Variants in SLC26A9 observed in about 807,000 individuals in gnomAD.
The protein encoded by SLC26A9 is anion transporter/exchanger protein 9.
Under a neutral mutation model 87.1 loss-of-function variants are expected in SLC26A9, and 46 were observed. That is an observed-to-expected ratio of 0.53 (90% CI 0.42 to 0.67). The LOEUF (loss-of-function observed/expected upper bound fraction) is 0.67, where lower values mean the gene tolerates loss of function less well. Ranked by LOEUF, SLC26A9 falls within the 30% of genes least tolerant of loss-of-function variation. The pLI, the probability that SLC26A9 is intolerant of heterozygous loss-of-function variation, is 0.00. For synonymous variants in SLC26A9, 437 were observed against 409.1 expected (o/e 1.07, Z -0.82); for missense variants, 927 against 1,018.3 (o/e 0.91, Z 1.22).
rs1658519457 is a variant in SLC26A9 at position 205,915,038 on chromosome 1, C to T, written c.*319G>A. On this transcript the variant is annotated 3_prime_UTR_variant, in exon 21 of 21. Coordinates refer to ENST00000367135, the MANE Select transcript of SLC26A9 (RefSeq NM_052934.4). ...AAAAGCTGGAAGTCAAGGTGTCCTT[C>T]AGCTGCCAAGGACAGGGCAGAGGTG... The T allele has an allele frequency of 6.2e-7, 1 of 1,614,086 alleles. No individual in the cohort carries two copies. Among genetic ancestry groups the T allele is most frequent in the Non-Finnish European group, 8.5e-7 (1 of 1,180,046 alleles).
intron 12 of SLC26A9, among the ~76,000 whole-genome samples, chr1:205,924,978 A>G (rs971526719): frequency 2.0e-5 from 3 of 152,060 alleles, no homozygotes; most frequent in East Asian, 1.9e-4. Context: ...TTATTTTTCT[A>G]GAGACGGCTC....
intron 19 of SLC26A9, 58 bp from the exon 20 acceptor site, chr1:205,917,412 G>A (rs1432369573): frequency 6.3e-7 from 1 of 1,576,244 alleles, no homozygotes; most frequent in African/African-American, 1.3e-5. Context: ...CAAAGTTGGT[G>A]CATGGTGGCA....
chr1:205,938,323 A>C (rs1659602837), intron 1 of SLC26A9, among the ~76,000 whole-genome samples: 2 of 149,144 alleles, frequency 1.3e-5, no homozygotes, highest in African/African-American at 2.5e-5. Context: ...CCATACCTCC[A>C]CCCACCCTGT....
chr1:205,925,542 T>C (rs1194463953), intron 12 of SLC26A9, among the ~76,000 whole-genome samples: 1 of 152,166 alleles, frequency 6.6e-6, no homozygotes, highest in Non-Finnish European at 1.5e-5. Context: ...AACTGAGGTA[T>C]AATTTTTCTC....
chr1:205,919,243 C>G (rs542724099), intron 18 of SLC26A9, among the ~76,000 whole-genome samples: 1 of 152,138 alleles, frequency 6.6e-6, no homozygotes, highest in Non-Finnish European at 1.5e-5. Context: ...TGTGGTGATT[C>G]GAGTGGAAAA....
In SLC26A9 at chr1:205,921,853, A is replaced by C; in HGVS notation, c.1774-6T>G. The C allele has an allele frequency of 6.2e-7, 1 of 1,602,664 alleles. No individual in the cohort carries two copies. The highest frequency in any genetic ancestry group is 1.1e-5 in the South Asian group (1 of 89,190). On this transcript the variant is annotated splice_region_variant and splice_polypyrimidine_tract_variant and intron_variant, in intron 16 of 20. Coordinates refer to ENST00000367135, the MANE Select transcript of SLC26A9 (RefSeq NM_052934.4). ...AGCTCCTGCAGGGAGACAGTCTGGAAGGGTGGGGACAGTGGGCAGAGTCAG... is the reference window on the plus strand; with the variant it reads ...AGCTCCTGCAGGGAGACAGTCTGGACGGGTGGGGACAGTGGGCAGAGTCAG...
rs1435645702 is a variant in SLC26A9, at chr1:205,931,998, G to C, written c.414C>G (p.Ile138Met). 6.2e-7 allele frequency: 1 copy of C among 1,614,218 alleles called. No homozygotes were observed. Among genetic ancestry groups the C allele is most frequent in the South Asian group, 1.1e-5 (1 of 91,080 alleles). Residue 138 changes from isoleucine to methionine, a missense_variant, in exon 5 of 21, where the codon ATC (isoleucine) becomes ATG (methionine). Coordinates refer to ENST00000367135, the MANE Select transcript of SLC26A9 (RefSeq NM_052934.4). ...FAVISILVGN[I>M]CLQLAPESKF... ...TCGACTCTGGGGCCAGCTGCAGACA[G>C]ATGTTACCCACCAGGATGCTGATAA...
intron 8 of SLC26A9, chr1:205,928,287 AG>A (rs1180169145): frequency 3.2e-5 from 18 of 558,988 alleles, no homozygotes; most frequent in Middle Eastern, 9.6e-4. Flanking sequence ...TCCCCGGGCC[AG>A]TATGTGGTAG....
intron 7 of SLC26A9, 143 bp downstream of exon 7, chr1:205,929,061 C>A: frequency 6.9e-7 from 1 of 1,457,478 alleles, no homozygotes; most frequent in Non-Finnish European, 9.4e-7. Context: ...AGAGGAAACG[C>A]CACATACGGG....
rs1428850771 is a variant in SLC26A9 at position 205,927,552 on chromosome 1, A to G, written c.1155T>C (p.His385=). The part of the protein sequence containing the change: ...SNFFGSFFKI[H]VICCALSVTL... The stretch of plus-strand genomic sequence containing the variant: ...TGACAGAAAGCGCACAGCAAATGAC[A>G]TGAATTTTAAAGAAGGAGCCAAAGA... The change falls in exon 10 of 21, where the codon CAT becomes CAC. Residue 385 remains histidine, a synonymous_variant. Coordinates refer to ENST00000367135, the MANE Select transcript of SLC26A9 (RefSeq NM_052934.4). 7 of 1,614,012 alleles carry G rather than the reference A, an allele frequency of 4.3e-6. No homozygotes were observed. The highest frequency in any genetic ancestry group is 4.0e-5 in the African/African-American group (3 of 74,912).
chr1:205,926,485 G>A (rs574302805), intron 12 of SLC26A9, 50 bp downstream of exon 12: 1 of 1,468,588 alleles, frequency 6.8e-7, no homozygotes, highest in African/African-American at 1.4e-5. Context: ...TGTGGGGTTG[G>A]AGGAGAGGGC....
rs1199783786 is a variant in SLC26A9 at position 205,913,807 on chromosome 1, C to T, written c.*1550G>A. ...ATGTGTTGGCTCTTGGCCAGCACCC[C>T]CTCCTTTAACTCTAAGAAGACTTGT... On this transcript the variant is annotated 3_prime_UTR_variant, in exon 21 of 21. Coordinates refer to ENST00000367135, the MANE Select transcript of SLC26A9 (RefSeq NM_052934.4). 6.6e-6 allele frequency: 1 copy of T among 152,540 alleles called. No individual in the cohort carries two copies. Among genetic ancestry groups the T allele is most frequent in the African/African-American group, 2.4e-5 (1 of 41,438 alleles). The allele number at this position is 152,540 out of a possible 1,614,324, so 9.4% of individuals were successfully genotyped here. A position where few individuals can be genotyped will look rare whatever the true frequency, so the allele number is the denominator to read the frequency against.
chr1:205,915,250 G>C lies in SLC26A9; in HGVS notation c.*107C>G. On this transcript the variant is annotated 3_prime_UTR_variant, in exon 21 of 21. Transcript: ENST00000367135. ...GAGGAGAGAGGAACCCAAGCTCTGG[G>C]GGATGCACTTTCCTCCGCCCGACAC... is the stretch of plus-strand genomic sequence containing the variant. 2 of 1,600,018 alleles carry C rather than the reference G, an allele frequency of 1.2e-6. No individual in the cohort carries two copies. Among genetic ancestry groups the C allele is most frequent in the Non-Finnish European group, 1.7e-6 (2 of 1,171,950 alleles).
intron 19 of SLC26A9, among the ~76,000 whole-genome samples, chr1:205,918,121 C>T (rs929129506): frequency 2.0e-5 from 3 of 152,098 alleles, no homozygotes; most frequent in Non-Finnish European, 2.9e-5. Flanking sequence ...TCTTATGACC[C>T]ACAGAGGGCA....
intron 12 of SLC26A9, among the ~76,000 whole-genome samples, chr1:205,926,237 T>G (rs1659061974): frequency 6.6e-6 from 1 of 152,206 alleles, no homozygotes. Flanking sequence ...TTACCTTGCT[T>G]CTTCTTCATA....
At chr1:205,929,800 A>G in intron 6 of SLC26A9, 92 bp downstream of exon 6, 1 of 1,431,306 alleles carries the variant, frequency 7.0e-7, no homozygotes. Context: ...AGCCCTTGCA[A>G]TGAGGAGCTC....
At chr1:205,942,543 T>A (rs1224984223) in intron 1 of SLC26A9, among the ~76,000 whole-genome samples, 2 of 152,168 alleles carry the variant, frequency 1.3e-5, no homozygotes, top group African/African-American at 4.8e-5. Flanking sequence ...AGGTCTCAGC[T>A]GGGGACCCTC....
chr1:205,934,092 C>A (rs1234794800), intron 2 of SLC26A9, among the ~76,000 whole-genome samples: 1 of 152,220 alleles, frequency 6.6e-6, no homozygotes, highest in Non-Finnish European at 1.5e-5. Context: ...TTTGCTCTTG[C>A]TCAACAATAG....
intron 20 of SLC26A9, among the ~76,000 whole-genome samples, chr1:205,916,755 A>T (rs1558117776): frequency 2.6e-5 from 4 of 152,132 alleles, no homozygotes; most frequent in Admixed American, 2.6e-4. Context: ...GTTCTCTAGG[A>T]CTTGGTCCAG....
Sources: allele counts gnomAD v4.1 joint callset (sites outside exome capture counted in the v4.1 genomes callset), GRCh38; gene constraint gnomAD v4.1.1; transcripts MANE v1.5; gene names NCBI Gene and HGNC (gene_info 2026-07-23, HGNC 2026-07-21).